PPP1CB: variants seen among roughly 807,000 people sequenced by gnomAD.
PPP1CB encodes the protein serine/threonine-protein phosphatase PP1-beta catalytic subunit.
PPP1CB carries 2 observed loss-of-function variants against 43.7 expected under a neutral mutation model. That is an observed-to-expected ratio of 0.05 (90% CI 0.02 to 0.14). The LOEUF (loss-of-function observed/expected upper bound fraction) is 0.14, where lower values mean the gene tolerates loss of function less well. Ranked by LOEUF, PPP1CB falls within the 10% of genes least tolerant of loss-of-function variation. PPP1CB has a pLI of 1.00. For missense variants in PPP1CB, 84 were observed against 398.0 expected (o/e 0.21, Z 6.71); for synonymous variants, 136 against 135.6 (o/e 1.00, Z -0.02).
rs753428913 is a variant in PPP1CB at position 28,799,355 on chromosome 2, A to C, written c.*52A>C. ...CAGATTTGTTAAGGACATACTTCAT[A>C]ATATATAAGTGTGCACTGTAAAACC... On this transcript the variant is annotated 3_prime_UTR_variant, in exon 8 of 8. Coordinates refer to ENST00000395366, the MANE Select transcript of PPP1CB (RefSeq NM_002709.3). 5 of 1,409,208 alleles carry C rather than the reference A, an allele frequency of 3.5e-6. No homozygotes were observed. Among genetic ancestry groups the C allele is most frequent in the Non-Finnish European group, 5.0e-6 (5 of 996,892 alleles). The allele number at this position is 1,409,208 out of a possible 1,614,324, so 87.3% of individuals were successfully genotyped here. A position where few individuals can be genotyped will look rare whatever the true frequency, so the allele number is the denominator to read the frequency against.
At chr2:28,783,218 A>G (rs530488168) in intron 4 of PPP1CB, among the ~76,000 whole-genome samples, 37 of 152,328 alleles carry the variant, frequency 2.4e-4, no homozygotes, top group African/African-American at 8.4e-4. Context: ...ACTTTCACTT[A>G]GAAGTTAAAA....
At chr2:28,790,372 C>T (rs1667361631) in intron 6 of PPP1CB, among the ~76,000 whole-genome samples, 1 of 152,196 alleles carries the variant, frequency 6.6e-6, no homozygotes, top group South Asian at 2.1e-4. Context: ...CCGAGTCTCA[C>T]TCTGTCACCT....
chr2:28,766,985 G>A (rs1371170478), intron 1 of PPP1CB, among the ~76,000 whole-genome samples: 1 of 151,962 alleles, frequency 6.6e-6, no homozygotes, highest in Admixed American at 6.6e-5. Context: ...GGAGGCTGAG[G>A]CAGGAGAATC....
intron 3 of PPP1CB, among the ~76,000 whole-genome samples, chr2:28,781,399 G>A (rs968847164): frequency 6.6e-6 from 1 of 151,986 alleles, no homozygotes; most frequent in Non-Finnish European, 1.5e-5. Flanking sequence ...ACAATATAGT[G>A]TTAACTGTAG....
chr2:28,788,771 A>G lies in PPP1CB; in HGVS notation c.706A>G (p.Asn236Asp). The G allele has an allele frequency of 1.2e-6, 2 of 1,612,916 alleles. No individual in the cohort carries two copies. Among genetic ancestry groups the G allele is most frequent in the Non-Finnish European group, 1.7e-6 (2 of 1,179,752 alleles). ...FGADVVSKFL[N>D]RHDLDLICRA... ...AGCTGATGTAGTCAGTAAATTTCTG[A>G]ATCGTCATGATTTAGATTTGATTTG... is the stretch of plus-strand genomic sequence containing the variant. Residue 236 changes from asparagine (N) to aspartate (D), a missense_variant, in exon 6 of 8, where the codon AAT (asparagine) becomes GAT (aspartate). Asn to Asp is a conservative substitution (Grantham distance 23). Around this residue, in one of 5 missense-constraint regions of PPP1CB, gnomAD observed 11 missense variants for 17.3 expected, o/e 0.64. Coordinates refer to ENST00000395366, the MANE Select transcript of PPP1CB (RefSeq NM_002709.3).
chr2:28,779,047 A>C lies in PPP1CB; in HGVS notation c.415+8A>C. The C allele has an allele frequency of 6.5e-7, 1 of 1,533,890 alleles. No individual in the cohort carries two copies. The highest frequency in any genetic ancestry group is 9.0e-7 in the Non-Finnish European group (1 of 1,116,010). On this transcript the variant is annotated splice_region_variant and intron_variant, in intron 3 of 7. Coordinates refer to ENST00000395366, the MANE Select transcript of PPP1CB (RefSeq NM_002709.3). ...ATGGATTCTATGATGAATGTAAGTG[A>C]AAATAAAGACTTAGAAAAGTAATTC...
intron 6 of PPP1CB, among the ~76,000 whole-genome samples, chr2:28,789,898 C>T (rs970769299): frequency 1.3e-5 from 2 of 152,166 alleles, no homozygotes; most frequent in South Asian, 2.1e-4. Flanking sequence ...CCACTGTGCC[C>T]AGCCTCATTT....
Position 28,785,065 on chromosome 2 carries a change from C to CTTT in PPP1CB, c.592+1113_592+1115dup, listed in dbSNP as rs769650329. On this transcript the variant is annotated intron_variant, in intron 5 of 7. Coordinates refer to ENST00000395366, the MANE Select transcript of PPP1CB (RefSeq NM_002709.3). Reference sequence around the variant, plus strand: ...ATGTTGTAATAAATTGTGTTAGGAGCTTTTTTTTTTTTTTTTTTTTTTTTT... The same window carrying CTTT: ...ATGTTGTAATAAATTGTGTTAGGAGCTTTTTTTTTTTTTTTTTTTTTTTTTTTT... Among the ~76,000 whole-genome samples the CTTT allele has an allele frequency of 2.9e-3, 159 of 54,992 alleles. 39 individuals carry two copies. The highest frequency in any genetic ancestry group is 8.5e-3 in the African/African-American group (102 of 12,058). 36.1% of individuals were successfully genotyped at this position (54,992 alleles called of 152,430 possible). A position where few individuals can be genotyped will look rare whatever the true frequency, so the allele number is the denominator to read the frequency against.
intron 6 of PPP1CB, among the ~76,000 whole-genome samples, chr2:28,793,501 A>G (rs924313526): frequency 1.3e-5 from 2 of 152,198 alleles, no homozygotes; most frequent in Admixed American, 1.3e-4. Context: ...ATTAATTAAA[A>G]TAAAATTAAA....
intron 5 of PPP1CB, among the ~76,000 whole-genome samples, chr2:28,785,683 C>T (rs1479408866): frequency 2.0e-5 from 3 of 151,720 alleles, no homozygotes; most frequent in Admixed American, 1.3e-4. Context: ...AGCCACATGT[C>T]GCAGCACCGC....
chr2:28,751,897 G>T lies in PPP1CB; in HGVS notation c.-228G>T, dbSNP rs980872073. 1 of 607,214 alleles carries T rather than the reference G, an allele frequency of 1.6e-6. No homozygotes were observed. The highest frequency in any genetic ancestry group is 1.8e-5 in the South Asian group (1 of 56,124). 37.6% of individuals were successfully genotyped at this position (607,214 alleles called of 1,614,324 possible). On this transcript the variant is annotated 5_prime_UTR_variant, in exon 1 of 8. Coordinates refer to ENST00000395366, the MANE Select transcript of PPP1CB (RefSeq NM_002709.3). ...GTCTGACGCGGCCCTGTTCGAGGGG[G>T]CCTCTCTTGTTTATTTATTTATTTT...
chr2:28,789,726 G>A (rs1156423825), intron 6 of PPP1CB, among the ~76,000 whole-genome samples: 1 of 149,928 alleles, frequency 6.7e-6, no homozygotes, highest in Non-Finnish European at 1.5e-5. Context: ...AGCCTCCGGA[G>A]CAGCTGGGAT....
At chr2:28,770,039 C>T (rs973572017) in intron 1 of PPP1CB, among the ~76,000 whole-genome samples, 4 of 151,968 alleles carry the variant, frequency 2.6e-5, no homozygotes, top group African/African-American at 7.3e-5. Flanking sequence ...GAGGCCAAGG[C>T]GGACAGGTCA....
chr2:28,798,124 A>G (rs1244234021), intron 7 of PPP1CB, among the ~76,000 whole-genome samples: 1 of 152,246 alleles, frequency 6.6e-6, no homozygotes, highest in Non-Finnish European at 1.5e-5. Flanking sequence ...TGTTCTAAAT[A>G]GTTTTTAAAA....
intron 1 of PPP1CB, among the ~76,000 whole-genome samples, chr2:28,754,705 C>G (rs1666442537): frequency 6.6e-6 from 1 of 152,138 alleles, no homozygotes; most frequent in South Asian, 2.1e-4. Context: ...TATTTTTAAT[C>G]TTCAAAGAAA....
At chr2:28,753,905 T>G (rs544405537) in intron 1 of PPP1CB, among the ~76,000 whole-genome samples, 2 of 152,002 alleles carry the variant, frequency 1.3e-5, no homozygotes, top group Non-Finnish European at 2.9e-5. Flanking sequence ...CGGCTAATTT[T>G]TTTTGTATTT....
At chr2:28,786,170 A>G (rs755983756) in intron 5 of PPP1CB, among the ~76,000 whole-genome samples, 9 of 152,060 alleles carry the variant, frequency 5.9e-5, no homozygotes, top group East Asian at 1.9e-4. Context: ...CTGGAGTGCA[A>G]TGGCCTGATC....
chr2:28,764,849 A>G (rs1364294736), intron 1 of PPP1CB, among the ~76,000 whole-genome samples: 1 of 151,990 alleles, frequency 6.6e-6, no homozygotes, highest in Non-Finnish European at 1.5e-5. Flanking sequence ...TGAAGCCAGG[A>G]GGTGGAGGTT....
chr2:28,789,578 G>A (rs1667343384), intron 6 of PPP1CB, among the ~76,000 whole-genome samples: 1 of 146,820 alleles, frequency 6.8e-6, no homozygotes, highest in South Asian at 2.2e-4. Flanking sequence ...TTGAAGCTTT[G>A]TAGATATGAT....
Sources: allele counts gnomAD v4.1 joint callset (sites outside exome capture counted in the v4.1 genomes callset), GRCh38; gene constraint gnomAD v4.1.1; regional missense constraint gnomAD v4.1.1; transcripts MANE v1.5; gene names NCBI Gene and HGNC (gene_info 2026-07-23, HGNC 2026-07-21).